The following RAPGEF2 variants were observed in gnomAD, a reference collection of about 807,000 sequenced individuals.
The protein encoded by RAPGEF2 is PDZ domain containing guanine nucleotide exchange factor (GEF) 1.
RAPGEF2 carries 54 observed loss-of-function variants against 186.7 expected under a neutral mutation model. That is an observed-to-expected ratio of 0.29 (90% CI 0.23 to 0.36). RAPGEF2 has a LOEUF of 0.36. Among genes scored for constraint, RAPGEF2 ranks in the 10% least tolerant of loss-of-function variants. The pLI, the probability that RAPGEF2 is intolerant of heterozygous loss-of-function variation, is 1.00. For missense variants in RAPGEF2, 1,532 were observed against 2,045.0 expected (o/e 0.75, Z 4.84); for synonymous variants, 712 against 705.9 (o/e 1.01, Z -0.14).
At chr4:159,218,014 T>C (rs1751146833) in intron 4 of RAPGEF2, among the ~76,000 whole-genome samples, 1 of 152,260 alleles carries the variant, frequency 6.6e-6, no homozygotes, top group African/African-American at 2.4e-5. Context: ...AATCGTATTC[T>C]TGAAAGAGTA....
At chr4:159,155,221 A>T (rs1743990735) in intron 1 of RAPGEF2, among the ~76,000 whole-genome samples, 1 of 152,180 alleles carries the variant, frequency 6.6e-6, no homozygotes, top group African/African-American at 2.4e-5. Context: ...TTGAATTTTG[A>T]AAGGATACGT....
intron 19 of RAPGEF2, among the ~76,000 whole-genome samples, chr4:159,340,220 T>C (rs1221556154): frequency 6.6e-6 from 1 of 152,240 alleles, no homozygotes. Context: ...ATATAATTCA[T>C]TGAAACCTTT....
chr4:159,268,439 A>C (rs1043373791), intron 7 of RAPGEF2, among the ~76,000 whole-genome samples: 1 of 152,190 alleles, frequency 6.6e-6, no homozygotes, highest in Non-Finnish European at 1.5e-5. Context: ...CAAAATCACT[A>C]ATACTGAGAA....
intron 7 of RAPGEF2, among the ~76,000 whole-genome samples, chr4:159,295,764 C>T (rs868767933): frequency 0.026 from 3,484 of 135,578 alleles, 119 homozygotes; most frequent in African/African-American, 0.1. Flanking sequence ...TGCGCGCGCG[C>T]GCGCGCGCGC....
chr4:159,121,772 T>G (rs1739709780), intron 1 of RAPGEF2, among the ~76,000 whole-genome samples: 1 of 151,870 alleles, frequency 6.6e-6, no homozygotes, highest in Admixed American at 6.6e-5. Context: ...GGCTCATGCC[T>G]GTAATCGCAG....
chr4:159,190,386 G>C (rs1358867728), intron 2 of RAPGEF2, among the ~76,000 whole-genome samples: 2 of 152,144 alleles, frequency 1.3e-5, no homozygotes, highest in Non-Finnish European at 2.9e-5. Flanking sequence ...AGGGATAATG[G>C]TGGGATAATG....
chr4:159,221,536 C>T (rs1018651493), intron 4 of RAPGEF2, among the ~76,000 whole-genome samples: 10 of 152,134 alleles, frequency 6.6e-5, no homozygotes, highest in African/African-American at 1.7e-4. Flanking sequence ...TACTCTGCAA[C>T]GTGATGTGCC....
intron 7 of RAPGEF2, 32 bp downstream of exon 7, chr4:159,243,823 TA>T: frequency 8.0e-7 from 1 of 1,251,222 alleles, no homozygotes; most frequent in South Asian, 1.2e-5. Flanking sequence ...CTTCTGACAC[TA>T]ACCTAAGTTT....
chr4:159,287,270 C>G (rs1052246607), intron 7 of RAPGEF2, among the ~76,000 whole-genome samples: 29 of 151,920 alleles, frequency 1.9e-4, no homozygotes, highest in African/African-American at 7.0e-4. Flanking sequence ...TTAACTATTG[C>G]TATTGTTATG....
At position 159,343,351 on chromosome 4, in the gene RAPGEF2, C is replaced by G. The variant is rs188622665; in HGVS notation, c.3201C>G (p.His1067Gln). 1 of 1,614,032 alleles carries G rather than the reference C, an allele frequency of 6.2e-7. No homozygotes were observed. Among genetic ancestry groups the G allele is most frequent in the Non-Finnish European group, 8.5e-7 (1 of 1,179,940 alleles). ...GGATGATTGCAAAAGAAATTCGTCA[C>G]GTTGGCCGAATGGCTTCAGTGAACA... ...KLRMIAKEIR[H>Q]VGRMASVNMD... Residue 1067 changes from histidine to glutamine, a missense_variant, in exon 22 of 30, where the codon CAC (histidine) becomes CAG (glutamine). By Grantham distance (24) the His-to-Gln change is conservative. Around this residue, in one of 4 missense-constraint regions of RAPGEF2, gnomAD observed 117 missense variants for 180.8 expected, o/e 0.65. Transcript: ENST00000691494.
chr4:159,354,132 G>T lies in RAPGEF2; in HGVS notation c.4651+86G>T, dbSNP rs1731612031. The T allele has an allele frequency of 1.6e-5, 22 of 1,344,322 alleles. No homozygotes were observed. In the South Asian group the frequency reaches 3.5e-4, roughly 21 times the overall value. 83.3% of individuals were successfully genotyped at this position (1,344,322 alleles called of 1,614,324 possible). On this transcript the variant is annotated intron_variant, in intron 28 of 29. Coordinates refer to ENST00000691494, the MANE Select transcript of RAPGEF2 (RefSeq NM_001394067.2). ...ACAATAGTAAAATTATGTGTTTGTT[G>T]GTTCTTTTCCTCATTTTCTCCATTG...
rs764882066 is a variant in RAPGEF2 at position 159,338,378 on chromosome 4, A to C, written c.2203A>C (p.Thr735Pro). The C allele has an allele frequency of 3.7e-6, 6 of 1,613,976 alleles. No individual in the cohort carries two copies. In the East Asian group the frequency reaches 1.3e-4, roughly 36 times the overall value. Residue 735 changes from threonine to proline, a missense_variant, in exon 18 of 30, where the codon ACT (threonine) becomes CCT (proline). By Grantham distance (38) the Thr-to-Pro change is conservative. This residue lies in a region of RAPGEF2 where 810 missense variants were observed against 1,210.5 expected (regional missense o/e 0.67). Transcript: ENST00000691494. ...VGLRQTKHIP[T>P]ALPVSGTLSS... ...ATTAAGGCAGACAAAGCACATCCCA[A>C]CTGCATTGCCTGTCAGTGGAACCTT...
chr4:159,300,412 A>T (rs1229517299), intron 7 of RAPGEF2, among the ~76,000 whole-genome samples: 1 of 151,860 alleles, frequency 6.6e-6, no homozygotes, highest in Non-Finnish European at 1.5e-5. Context: ...AGGAACAAAA[A>T]ATTGAGCAGT....
At chr4:159,106,578 A>G (rs916079350) in intron 1 of RAPGEF2, among the ~76,000 whole-genome samples, 9 of 152,256 alleles carry the variant, frequency 5.9e-5, no homozygotes, top group African/African-American at 2.2e-4. Flanking sequence ...CATGAACAGA[A>G]GGACAGGAAT....
At chr4:159,233,029 A>G (rs1752814772) in intron 4 of RAPGEF2, among the ~76,000 whole-genome samples, 1 of 152,086 alleles carries the variant, frequency 6.6e-6, no homozygotes, top group African/African-American at 2.4e-5. Context: ...TTTGTTGTTT[A>G]AGACTTTTTT....
chr4:159,180,729 C>T (rs1451731807), intron 1 of RAPGEF2, among the ~76,000 whole-genome samples: 1 of 152,062 alleles, frequency 6.6e-6, no homozygotes, highest in Non-Finnish European at 1.5e-5. Flanking sequence ...TGAAAGTACC[C>T]CCTAAAAATC....
chr4:159,333,733 C>T (rs1767008208), intron 17 of RAPGEF2, among the ~76,000 whole-genome samples: 1 of 152,176 alleles, frequency 6.6e-6, no homozygotes, highest in African/African-American at 2.4e-5. Context: ...TGATTACTGT[C>T]AGCCATTTCT....
chr4:159,168,967 A>G (rs1022568703), intron 1 of RAPGEF2, among the ~76,000 whole-genome samples: 1 of 152,194 alleles, frequency 6.6e-6, no homozygotes, highest in Non-Finnish European at 1.5e-5. Context: ...TCATAATTGA[A>G]TTTCTATCTT....
intron 4 of RAPGEF2, among the ~76,000 whole-genome samples, chr4:159,211,929 A>G (rs1750572988): frequency 6.6e-6 from 1 of 152,176 alleles, no homozygotes; most frequent in Non-Finnish European, 1.5e-5. Context: ...AAAGATAGTA[A>G]TAATTGTAGT....
Sources: gnomAD v4.1 joint callset for allele counts (sites outside exome capture counted in the v4.1 genomes callset) on GRCh38, gnomAD v4.1.1 for gene constraint, gnomAD v4.1.1 regional missense constraint, MANE v1.5 for transcripts, NCBI Gene and HGNC (gene_info 2026-07-23, HGNC 2026-07-21) for gene names.